TMPRSS15: variants seen among roughly 807,000 people sequenced by gnomAD.
TMPRSS15 encodes transmembrane serine protease 15, also known as enteropeptidase.
In TMPRSS15, 128 loss-of-function variants were observed where a neutral mutation model predicts 125.3. That is an observed-to-expected ratio of 1.02 (90% CI 0.89 to 1.18). The LOEUF (loss-of-function observed/expected upper bound fraction) is 1.18. Ranked by LOEUF, TMPRSS15 falls within the 50% of genes most tolerant of loss-of-function variation. The pLI, the probability that TMPRSS15 is intolerant of heterozygous loss-of-function variation, is 0.00. For missense variants in TMPRSS15, 1,283 were observed against 1,212.7 expected, an observed-to-expected ratio of 1.06 and a Z score of -0.86; for synonymous variants, 446 against 423.2, an observed-to-expected ratio of 1.05 and a Z score of -0.66.
intron 13 of TMPRSS15, among the ~76,000 whole-genome samples, chr21:18,338,538 C>T (rs1403123331): frequency 6.6e-6 from 1 of 151,998 alleles, no homozygotes; most frequent in African/African-American, 2.4e-5. Context: ...TGAAGTGAGA[C>T]AATTATTTTT....
chr21:18,275,785 A>G (rs1205756431), intron 23 of TMPRSS15, among the ~76,000 whole-genome samples: 1 of 152,204 alleles, frequency 6.6e-6, no homozygotes, highest in Admixed American at 6.5e-5. Flanking sequence ...TATGTGAGTG[A>G]GCAGGTGCAC....
chr21:18,352,774 A>AT, intron 10 of TMPRSS15, 129 bp downstream of exon 10: 1 of 943,646 alleles, frequency 1.1e-6, no homozygotes, highest in Non-Finnish European at 1.7e-6. Context: ...AATTAATTGA[A>AT]TTTTTAAAAA....
At chr21:18,424,929 TA>T (rs1165061495) in intron 1 of TMPRSS15, among the ~76,000 whole-genome samples, 1 of 148,854 alleles carries the variant, frequency 6.7e-6, no homozygotes, top group African/African-American at 2.4e-5. Context: ...TATATATGAA[TA>T]TTATATATTC....
intron 10 of TMPRSS15, among the ~76,000 whole-genome samples, chr21:18,349,634 G>C (rs1174971396): frequency 1.3e-5 from 2 of 152,156 alleles, no homozygotes; most frequent in Non-Finnish European, 2.9e-5. Context: ...GCCCTTTGGA[G>C]AGGAATGACT....
chr21:18,437,295 C>T lies in TMPRSS15; in HGVS notation c.11-38966G>A, dbSNP rs2076230061. Among the ~76,000 whole-genome samples the T allele has an allele frequency of 2.6e-5, 4 of 152,054 alleles. No individual in the cohort carries two copies. The South Asian group carries it at 6.2e-4, about 24-fold the overall frequency. On this transcript the variant is annotated intron_variant, in intron 1 of 7. Transcript: ENST00000422787. The stretch of plus-strand genomic sequence containing the variant: ...ATATGTAGAAAGCTGAAACTGGATC[C>T]CTTCCTTACATCTTATACAAAAATT...
At chr21:18,456,368 G>A (rs961390671) in intron 1 of TMPRSS15, among the ~76,000 whole-genome samples, 4 of 151,990 alleles carry the variant, frequency 2.6e-5, no homozygotes, top group African/African-American at 4.8e-5. Flanking sequence ...ATAATTACTC[G>A]CATAGGTTCT....
chr21:18,458,111 T>C (rs1276680856), intron 1 of TMPRSS15, among the ~76,000 whole-genome samples: 1 of 152,166 alleles, frequency 6.6e-6, no homozygotes, highest in Non-Finnish European at 1.5e-5. Flanking sequence ...TAATTTTTGA[T>C]AGCCTTATAT....
At chr21:18,327,134 A>G (rs2075300440) in intron 15 of TMPRSS15, among the ~76,000 whole-genome samples, 1 of 152,194 alleles carries the variant, frequency 6.6e-6, no homozygotes, top group African/African-American at 2.4e-5. Context: ...AAATACATTT[A>G]TTAAGAAAGT....
chr21:18,293,355 C>T (rs1462269223), intron 21 of TMPRSS15, among the ~76,000 whole-genome samples: 1 of 152,144 alleles, frequency 6.6e-6, no homozygotes, highest in African/African-American at 2.4e-5. Flanking sequence ...TAACATGGTT[C>T]TTTCCTCTGA....
chr21:18,467,547 T>C (rs1184445808), intron 1 of TMPRSS15, among the ~76,000 whole-genome samples: 2 of 152,100 alleles, frequency 1.3e-5, no homozygotes, highest in Non-Finnish European at 2.9e-5. Context: ...GGTTTACCTT[T>C]GATTATTTTG....
At chr21:18,455,130 T>C (rs1377506214) in intron 1 of TMPRSS15, among the ~76,000 whole-genome samples, 1 of 152,130 alleles carries the variant, frequency 6.6e-6, no homozygotes, top group Non-Finnish European at 1.5e-5. Context: ...CCTGCCACCA[T>C]GTGAAGAAGG....
intron 18 of TMPRSS15, 103 bp downstream of exon 18, chr21:18,312,841 TA>T (rs2075115646): frequency 6.9e-7 from 1 of 1,442,104 alleles, no homozygotes; most frequent in Non-Finnish European, 9.4e-7. Context: ...GTGTATTTTC[TA>T]AATTCATAAC....
At position 18,297,738 on chromosome 21, in the gene TMPRSS15, G is replaced by A. The variant is rs908921511; in HGVS notation, c.2257C>T (p.Pro753Ser). 10 of 1,611,746 alleles carry A rather than the reference G, an allele frequency of 6.2e-6. No homozygotes were observed. The highest frequency in any genetic ancestry group is 8.5e-6 in the Non-Finnish European group (10 of 1,178,010). ...AGAACAGATTTAGGGACCCACCTGG[G>A]TGTTAGTATTAAGTGGCCATCAGGT... ...TAPDGHLILT[P>S]SQQCLQDSLI... The change falls in exon 19 of 25, where the codon CCC becomes TCC. Residue 753 changes from proline (P) to serine (S), a missense_variant. Coordinates refer to ENST00000284885, the MANE Select transcript of TMPRSS15 (RefSeq NM_002772.3).
At chr21:18,427,652 T>G (rs1167221743) in intron 1 of TMPRSS15, among the ~76,000 whole-genome samples, 2 of 152,206 alleles carry the variant, frequency 1.3e-5, no homozygotes, top group East Asian at 3.9e-4. Context: ...CATTTATATT[T>G]TATCATTGTT....
chr21:18,395,534 T>C (rs1356443236), intron 3 of TMPRSS15, among the ~76,000 whole-genome samples: 1 of 152,206 alleles, frequency 6.6e-6, no homozygotes, highest in Non-Finnish European at 1.5e-5. Context: ...GTACTGAGTA[T>C]TTAGTTTGCT....
intron 16 of TMPRSS15, among the ~76,000 whole-genome samples, chr21:18,321,021 A>G (rs1018711582): frequency 6.6e-6 from 1 of 152,174 alleles, no homozygotes; most frequent in Non-Finnish European, 1.5e-5. Context: ...CTCTAAGCAC[A>G]TGCCACACAA....
intron 6 of TMPRSS15, among the ~76,000 whole-genome samples, chr21:18,365,671 C>CTTCCTTCCTTCCTTCCTTCA: frequency 7.8e-6 from 1 of 127,814 alleles, no homozygotes; most frequent in Non-Finnish European, 1.6e-5. Flanking sequence ...TCCTTCCTTC[C>CTTCCTTCCTTCCTTCCTTCA]TTCCTTCCTT....
chr21:18,324,494 T>C (rs1229638137), intron 16 of TMPRSS15, among the ~76,000 whole-genome samples: 1 of 152,202 alleles, frequency 6.6e-6, no homozygotes, highest in Non-Finnish European at 1.5e-5. Context: ...AAAATTGCTA[T>C]GGCCAAAGAC....
intron 24 of TMPRSS15, among the ~76,000 whole-genome samples, chr21:18,272,524 G>A (rs912576996): frequency 1.3e-5 from 2 of 152,072 alleles, no homozygotes; most frequent in African/African-American, 4.8e-5. Context: ...AGGAGTTCGA[G>A]ATCAGCCTGG....
Sources: gnomAD v4.1 joint callset for allele counts (sites outside exome capture counted in the v4.1 genomes callset) on GRCh38, gnomAD v4.1.1 for gene constraint, MANE v1.5 for transcripts, NCBI Gene and HGNC (gene_info 2026-07-23, HGNC 2026-07-21) for gene names.